The following MXRA5 variants were observed in gnomAD, a reference collection of about 807,000 sequenced individuals.
MXRA5 encodes matrix remodeling associated 5, also known as matrix-remodeling-associated protein 5.
In MXRA5, 41 loss-of-function variants were observed where a neutral mutation model predicts 112.5. The ratio of observed to expected loss-of-function variants is 0.36; its 90% CI spans 0.28 to 0.47. The LOEUF is 0.47. Among genes scored for constraint, MXRA5 ranks in the 20% least tolerant of loss-of-function variants. The probability of loss-of-function intolerance (pLI) is 0.99; values close to 1 mark genes in which losing one functional copy is unlikely to be tolerated. For synonymous variants in MXRA5, 862 were observed against 900.8 expected, an observed-to-expected ratio of 0.96 and a Z score of 0.77; for missense variants, 2,150 against 2,251.0, an observed-to-expected ratio of 0.96 and a Z score of 0.91.
chrX:3,344,260 A>G (rs1451602170), intron 1 of MXRA5, among the ~76,000 whole-genome samples: 1 of 111,607 alleles, frequency 9.0e-6, no homozygotes, highest in Non-Finnish European at 1.9e-5. Flanking sequence ...AACAAGACTG[A>G]GCCATTATAT....
At chrX:3,335,472 C>T (rs1356368548) in intron 2 of MXRA5, among the ~76,000 whole-genome samples, 13 of 112,779 alleles carry the variant, frequency 1.2e-4, no homozygotes, top group Middle Eastern at 4.6e-3. Context: ...GCTGGGATTA[C>T]GGGCGTGAGT....
chrX:3,316,239 G>GT (rs1921123303), intron 6 of MXRA5, among the ~76,000 whole-genome samples: 1 of 87,553 alleles, frequency 1.1e-5, no homozygotes, highest in Non-Finnish European at 2.2e-5. Context: ...GCGTGAACCC[G>GT]GGAGGCGGAG....
At position 3,323,870 on chromosome X, in the gene MXRA5, G is replaced by A. The variant is rs750857625; in HGVS notation, c.1815C>T (p.Pro605=). The A allele has an allele frequency of 6.5e-5, 79 of 1,207,478 alleles. No homozygotes were observed. The South Asian group carries it at 7.3e-4, about 11-fold the overall frequency. The stretch of plus-strand genomic sequence containing the variant: ...GAAGAATCCAGCTAAGGTGGGCTTC[G>A]GGTATTGCTAAAGCATTGCAAGGCA... ...VTLPCNALAI[P]EAHLSWILPN... is the part of the protein sequence containing the mutation. The change falls in exon 5 of 7, where the codon CCC becomes CCT. Residue 605 remains proline (P), a synonymous_variant. Transcript: ENST00000217939.
Position 3,320,355 on chromosome X carries a change from G to A in MXRA5, c.5330C>T (p.Thr1777Ile), listed in dbSNP as rs1477971213. 8.3e-7 allele frequency: 1 copy of A among 1,211,972 alleles called. No individual in the cohort carries two copies. Among genetic ancestry groups the A allele is most frequent in the Admixed American group, 2.2e-5 (1 of 46,103 alleles). Residue 1777 changes from threonine (T) to isoleucine (I), a missense_variant, in exon 5 of 7, where the codon ACC (threonine) becomes ATC (isoleucine). Coordinates refer to ENST00000217939, the MANE Select transcript of MXRA5 (RefSeq NM_015419.4). Reference sequence around the variant, plus strand: ...CGGAGGGCCAAAGTCCAGATGGAAGGTGCTATGGGAATGTATCCTGTTGTA... The same window carrying A: ...CGGAGGGCCAAAGTCCAGATGGAAGATGCTATGGGAATGTATCCTGTTGTA... The part of the protein sequence containing the change: ...GSYNRIHSHS[T>I]FHLDFGPPAP...
intron 4 of MXRA5, among the ~76,000 whole-genome samples, chrX:3,326,833 CAT>C (rs1406385402): frequency 9.0e-6 from 1 of 110,822 alleles, no homozygotes; most frequent in Admixed American, 9.7e-5. Flanking sequence ...TGGCCTCTCG[CAT>C]ATGTGTGGTT....
rs1313286758 is a variant in MXRA5 at position 3,333,404 on chromosome X, A to G, written c.189-2631T>C. Among the ~76,000 whole-genome samples, 6 of 109,547 alleles carry G rather than the reference A, an allele frequency of 5.5e-5. No individual in the cohort carries two copies. The East Asian group carries it at 8.5e-4, about 15-fold the overall frequency. Reference sequence around the variant, plus strand: ...AGGAAAAAAGAGGATAAACCATGCAATGTTCCATTCCAAAGTTTTTTTCCT... The same window carrying G: ...AGGAAAAAAGAGGATAAACCATGCAGTGTTCCATTCCAAAGTTTTTTTCCT... On this transcript the variant is annotated intron_variant, in intron 2 of 6. Coordinates refer to ENST00000217939, the MANE Select transcript of MXRA5 (RefSeq NM_015419.4).
chrX:3,339,868 G>A (rs1470631872), intron 2 of MXRA5, among the ~76,000 whole-genome samples: 3 of 111,995 alleles, frequency 2.7e-5, no homozygotes, highest in Non-Finnish European at 5.6e-5. Context: ...TATCTTCATC[G>A]CCTATTGATT....
In MXRA5 at chrX:3,344,600, G is replaced by A. The variant is rs189934218; in HGVS notation, c.-28-739C>T. On this transcript the variant is annotated intron_variant, in intron 1 of 6. Coordinates refer to ENST00000217939, the MANE Select transcript of MXRA5 (RefSeq NM_015419.4). Reference sequence around the variant, plus strand: ...AATGGAGTCACTAAAAAATGGAAAAGCTCGGGTAAAGCTAGATTGCATCAG... The same window carrying A: ...AATGGAGTCACTAAAAAATGGAAAAACTCGGGTAAAGCTAGATTGCATCAG... Among the ~76,000 whole-genome samples the A allele has an allele frequency of 1.9e-3, 212 of 111,783 alleles. 1 individual carries two copies. Among genetic ancestry groups the A allele is most frequent in the African/African-American group, 6.7e-3 (207 of 30,757 alleles).
At position 3,332,147 on chromosome X, in the gene MXRA5, A is replaced by T. The variant is rs145244533; in HGVS notation, c.189-1374T>A. ...GCCTTAGGAAGCACCTTTCAGCTAC[A>T]AATTTTTGAGTGCAGGAAATTTATA... is the stretch of plus-strand genomic sequence containing the variant. On this transcript the variant is annotated intron_variant, in intron 2 of 6. Transcript: ENST00000217939. Among the ~76,000 whole-genome samples the T allele has an allele frequency of 5.9e-4, 66 of 112,632 alleles. 1 individual carries two copies. Among genetic ancestry groups the T allele is most frequent in the Middle Eastern group, 4.6e-3 (1 of 219 alleles).
rs1921163469 is a variant in MXRA5 at position 3,317,225 on chromosome X, G to A, written c.6456C>T (p.Ser2152=). ...AAANARITGT[S]PRRTDVRYGG... ...CGTACCTGACGTCCGTCCTCCGCGG[G>A]GAGGTGCCCGTGATGCGCGCGTTGG... Residue 2152 remains serine (S), a synonymous_variant, in exon 6 of 7, where the codon TCC becomes TCT. Coordinates refer to ENST00000217939, the MANE Select transcript of MXRA5 (RefSeq NM_015419.4). 1 of 1,211,307 alleles carries A rather than the reference G, an allele frequency of 8.3e-7. No homozygotes were observed. Among genetic ancestry groups the A allele is most frequent in the Admixed American group, 2.2e-5 (1 of 46,141 alleles).
intron 2 of MXRA5, among the ~76,000 whole-genome samples, chrX:3,342,641 C>G (rs1196415308): frequency 9.0e-6 from 1 of 111,672 alleles, no homozygotes; most frequent in Non-Finnish European, 1.9e-5. Flanking sequence ...GGGAAATTAT[C>G]ATCTTATTCC....
rs1212401150 is a variant in MXRA5 at position 3,315,368 on chromosome X, GATAGA to G, written c.6578+1730_6578+1734del. Among the ~76,000 whole-genome samples the G allele has an allele frequency of 3.2e-3, 122 of 38,334 alleles. 1 individual carries two copies. Among genetic ancestry groups the G allele is most frequent in the Middle Eastern group, 0.013 (1 of 78 alleles). The allele number at this position is 38,334 out of a possible 115,157, so 33.3% of individuals were successfully genotyped here. A position where few individuals can be genotyped will look rare whatever the true frequency, so the allele number is the denominator to read the frequency against. On this transcript the variant is annotated intron_variant, in intron 6 of 6. Transcript: ENST00000217939. ...TAGATGATAGATAGATAGATAGATA[GATAGA>G]ATAGATAGATAGATAGATGATAGAT... is the stretch of plus-strand genomic sequence containing the variant.
Position 3,341,433 on chromosome X carries a change from T to C in MXRA5, c.188+2213A>G, listed in dbSNP as rs1228045913. ...ATTATTATATATAATATATGTAATA[T>C]ATATTATTATTATATATAATATATG... On this transcript the variant is annotated intron_variant, in intron 2 of 6. Transcript: ENST00000217939. 1.7e-3 allele frequency among the ~76,000 whole-genome samples: 25 copies of C among 14,316 alleles called. 2 individuals carry two copies. The African/African-American group carries it at 0.02, about 11-fold the overall frequency. 12.4% of individuals were successfully genotyped at this position (14,316 alleles called of 115,157 possible). A position where few individuals can be genotyped will look rare whatever the true frequency, so the allele number is the denominator to read the frequency against.
At chrX:3,334,624 C>A (rs750645127) in intron 2 of MXRA5, among the ~76,000 whole-genome samples, 1 of 111,545 alleles carries the variant, frequency 9.0e-6, no homozygotes, top group African/African-American at 3.3e-5. Context: ...GAATAATGAG[C>A]AATATGTTAT....
At chrX:3,333,057 C>G (rs946696026) in intron 2 of MXRA5, among the ~76,000 whole-genome samples, 7 of 110,398 alleles carry the variant, frequency 6.3e-5, no homozygotes, top group African/African-American at 2.3e-4. Context: ...AATCCCAGCA[C>G]TTTGGGAGGG....
intron 4 of MXRA5, among the ~76,000 whole-genome samples, chrX:3,327,793 A>T (rs1921548277): frequency 8.8e-6 from 1 of 113,025 alleles, no homozygotes; most frequent in Non-Finnish European, 1.9e-5. Flanking sequence ...TCTCTGAAAG[A>T]TCCTGGGATT....
chrX:3,341,004 A>ATATATTGTATATTATATAATATAT (rs1921907228), intron 2 of MXRA5, among the ~76,000 whole-genome samples: 3 of 72,249 alleles, frequency 4.2e-5, no homozygotes, highest in Non-Finnish European at 8.0e-5. Context: ...CATGTATAAT[A>ATATATTGTATATTATATAATATAT]TATATTATAC....
Position 3,323,345 on chromosome X carries a change from C to T in MXRA5, c.2340G>A (p.Pro780=), listed in dbSNP as rs750424330. 16 of 1,209,658 alleles carry T rather than the reference C, an allele frequency of 1.3e-5. No homozygotes were observed. The highest frequency in any genetic ancestry group is 8.9e-5 in the East Asian group (3 of 33,745). Residue 780 remains proline (P), a synonymous_variant, in exon 5 of 7, where the codon CCG becomes CCA. Transcript: ENST00000217939. ...RINMANKQIN[P]ERWADILAKV... Reference sequence around the variant, plus strand: ...TGGCTAAAATATCAGCCCAGCGCTCCGGATTAATCTGTTTGTTTGCCATGT... The same window carrying T: ...TGGCTAAAATATCAGCCCAGCGCTCTGGATTAATCTGTTTGTTTGCCATGT...
In MXRA5 at chrX:3,324,306, G is replaced by T; in HGVS notation, c.1379C>A (p.Ser460Tyr). 1 of 1,211,734 alleles carries T rather than the reference G, an allele frequency of 8.3e-7. No individual in the cohort carries two copies. Among genetic ancestry groups the T allele is most frequent in the East Asian group, 3.0e-5 (1 of 33,830 alleles). ...TGTATCTTTGGTGGATATTGTTTGA[G>T]AATACTGGGTGTAGTAGGAAAGTAG... The part of the protein sequence containing the change: ...KVLLSYYTQY[S>Y]QTISTKDTRQ... Residue 460 changes from serine to tyrosine, a missense_variant, in exon 5 of 7, where the codon TCT (serine) becomes TAT (tyrosine). Coordinates refer to ENST00000217939, the MANE Select transcript of MXRA5 (RefSeq NM_015419.4).
Sources: allele counts gnomAD v4.1 joint callset (sites outside exome capture counted in the v4.1 genomes callset), GRCh38; gene constraint gnomAD v4.1.1; transcripts MANE v1.5; gene names NCBI Gene and HGNC (gene_info 2026-07-23, HGNC 2026-07-21).